The following KCNIP4 variants were observed in gnomAD, a reference collection of about 807,000 sequenced individuals.
KCNIP4 encodes potassium voltage-gated channel interacting protein 4, also known as Kv channel-interacting protein 4.
Under a neutral mutation model 34.0 loss-of-function variants are expected in KCNIP4, and 12 were observed. That is an observed-to-expected ratio of 0.35 (90% confidence interval 0.23 to 0.57). The LOEUF (loss-of-function observed/expected upper bound fraction) is 0.57. Ranked by LOEUF, KCNIP4 falls within the 20% of genes least tolerant of loss-of-function variation. The pLI is 0.83. For synonymous variants in KCNIP4, 124 were observed against 102.2 expected (o/e 1.21, Z -1.29); for missense variants, 238 against 311.7 (o/e 0.76, Z 1.78).
intron 1 of KCNIP4, among the ~76,000 whole-genome samples, chr4:21,372,410 A>T (rs1720543834): frequency 6.9e-6 from 1 of 145,646 alleles, no homozygotes; most frequent in Non-Finnish European, 1.5e-5. Flanking sequence ...AGACAGACAG[A>T]CAGATACAGA....
In KCNIP4 at chr4:21,832,588, T is replaced by A. The variant is rs891044545; in HGVS notation, c.61+115983A>T. Among the ~76,000 whole-genome samples, 128 of 54,626 alleles carry A rather than the reference T, an allele frequency of 2.3e-3. 2 individuals are homozygous for A. Among genetic ancestry groups the A allele is most frequent in the Non-Finnish European group, 2.6e-3 (40 of 15,482 alleles). 35.8% of individuals were successfully genotyped at this position (54,626 alleles called of 152,430 possible). Reference sequence around the variant, plus strand: ...TTTTTTGTTTTTATTTTTTTTATTTTTTTTTTTATTATTATCATACTTTTA... The same window carrying A: ...TTTTTTGTTTTTATTTTTTTTATTTATTTTTTTATTATTATCATACTTTTA... On this transcript the variant is annotated intron_variant, in intron 1 of 8. Coordinates refer to ENST00000382152, the MANE Select transcript of KCNIP4 (RefSeq NM_025221.6).
chr4:21,574,684 ACTTGAAGAG>A (rs1038748444), intron 1 of KCNIP4, among the ~76,000 whole-genome samples: 3 of 152,194 alleles, frequency 2.0e-5, no homozygotes, highest in African/African-American at 7.2e-5. Context: ...CAGAGTGTAC[ACTTGAAGAG>A]CTGGATAATA....
intron 1 of KCNIP4, among the ~76,000 whole-genome samples, chr4:21,075,916 A>G (rs1246790562): frequency 1.3e-5 from 2 of 152,158 alleles, no homozygotes; most frequent in African/African-American, 4.8e-5. Flanking sequence ...TTGGCTGGAT[A>G]TGAAATTCTG....
intron 1 of KCNIP4, among the ~76,000 whole-genome samples, chr4:21,390,205 C>T (rs944185419): frequency 5.9e-5 from 9 of 152,130 alleles, no homozygotes; most frequent in Admixed American, 5.2e-4. Flanking sequence ...GATATTAGCC[C>T]TTTGTCAGAT....
chr4:21,296,406 CTCTT>C (rs1020575651), intron 1 of KCNIP4, among the ~76,000 whole-genome samples: 1 of 150,794 alleles, frequency 6.6e-6, no homozygotes, highest in East Asian at 2.0e-4. Flanking sequence ...CTCTCTCTCT[CTCTT>C]TTTTTTTTTG....
chr4:21,025,865 T>A (rs1175137172), intron 1 of KCNIP4, among the ~76,000 whole-genome samples: 2 of 152,086 alleles, frequency 1.3e-5, no homozygotes, highest in African/African-American at 4.8e-5. Flanking sequence ...TGATACTGGT[T>A]TTTAAAATTT....
intron 1 of KCNIP4, among the ~76,000 whole-genome samples, chr4:20,884,221 AATTTT>A (rs1725030258): frequency 6.6e-6 from 1 of 152,132 alleles, no homozygotes; most frequent in African/African-American, 2.4e-5. Context: ...GCTTTTTAAA[AATTTT>A]ACTTTAAGTT....
intron 1 of KCNIP4, among the ~76,000 whole-genome samples, chr4:21,405,952 C>T (rs1577313251): frequency 6.6e-6 from 1 of 152,224 alleles, no homozygotes; most frequent in East Asian, 1.9e-4. Context: ...TCTCCTGCCT[C>T]AGCCTCTTGA....
At chr4:21,024,169 A>G (rs1740329667) in intron 1 of KCNIP4, among the ~76,000 whole-genome samples, 1 of 152,212 alleles carries the variant, frequency 6.6e-6, no homozygotes, top group Admixed American at 6.5e-5. Context: ...TATTTTAGTG[A>G]TAAAATTAGA....
intron 3 of KCNIP4, among the ~76,000 whole-genome samples, chr4:20,777,239 G>C (rs1478272122): frequency 6.6e-6 from 1 of 152,138 alleles, no homozygotes; most frequent in African/African-American, 2.4e-5. Context: ...CCAGGTGAAG[G>C]GGGAAAGCCC....
intron 1 of KCNIP4, among the ~76,000 whole-genome samples, chr4:21,199,187 C>T (rs958211574): frequency 5.9e-5 from 9 of 152,172 alleles, no homozygotes; most frequent in African/African-American, 1.7e-4. Context: ...ACAGTGCTAC[C>T]GACAGTGTAA....
chr4:21,594,964 T>A (rs1742518053), intron 1 of KCNIP4, among the ~76,000 whole-genome samples: 1 of 152,076 alleles, frequency 6.6e-6, no homozygotes, highest in Admixed American at 6.6e-5. Flanking sequence ...AATTACTTTT[T>A]TTAAAAAAAT....
At chr4:20,731,752 G>A in intron 8 of KCNIP4, 1 of 985,356 alleles carries the variant, frequency 1.0e-6, no homozygotes, top group Non-Finnish European at 1.2e-6. Flanking sequence ...AGGAATTTGG[G>A]AATCAACACA....
intron 1 of KCNIP4, among the ~76,000 whole-genome samples, chr4:21,816,865 A>G (rs960503187): frequency 6.6e-6 from 1 of 152,132 alleles, no homozygotes; most frequent in African/African-American, 2.4e-5. Context: ...CACCAGCTTG[A>G]CCTTGAGCAA....
chr4:21,351,484 G>T (rs1280745395), intron 1 of KCNIP4, among the ~76,000 whole-genome samples: 1 of 152,082 alleles, frequency 6.6e-6, no homozygotes, highest in African/African-American at 2.4e-5. Flanking sequence ...TAGACATGCA[G>T]AACCATGAGT....
chr4:21,082,865 T>TTCTTTCTA (rs1553935261), intron 1 of KCNIP4, among the ~76,000 whole-genome samples: 1 of 147,570 alleles, frequency 6.8e-6, no homozygotes, highest in African/African-American at 2.5e-5. Context: ...TGCCAGGTTA[T>TTCTTTCTA]TCTATCTATC....
intron 1 of KCNIP4, among the ~76,000 whole-genome samples, chr4:21,644,019 A>T (rs1424769446): frequency 6.6e-6 from 1 of 151,948 alleles, no homozygotes; most frequent in Non-Finnish European, 1.5e-5. Context: ...TTTCTTTTTC[A>T]TTTTACATAT....
At chr4:21,535,886 G>A (rs1238631616) in intron 1 of KCNIP4, among the ~76,000 whole-genome samples, 1 of 151,888 alleles carries the variant, frequency 6.6e-6, no homozygotes, top group African/African-American at 2.4e-5. Context: ...TCAATTCCTG[G>A]GCCCTACTCC....
intron 1 of KCNIP4, among the ~76,000 whole-genome samples, chr4:21,889,108 A>G (rs1435640828): frequency 1.3e-5 from 2 of 152,162 alleles, no homozygotes; most frequent in Non-Finnish European, 2.9e-5. Context: ...TATAGGTACA[A>G]TATAAATTTA....
Sources: gnomAD v4.1 joint callset for allele counts (sites outside exome capture counted in the v4.1 genomes callset) on GRCh38, gnomAD v4.1.1 for gene constraint, MANE v1.5 for transcripts, NCBI Gene and HGNC (gene_info 2026-07-23, HGNC 2026-07-21) for gene names.